The following ARL8B variants were observed in gnomAD, a reference collection of about 807,000 sequenced individuals.
The protein encoded by ARL8B is ADP-ribosylation factor-like protein 8B.
A neutral mutation model predicts 30.6 loss-of-function variants in ARL8B; 9 were observed. The ratio of observed to expected loss-of-function variants is 0.29; its 90% CI spans 0.18 to 0.51. The LOEUF (loss-of-function observed/expected upper bound fraction) is 0.51. ARL8B is among the 20% of genes least tolerant of loss of function. The pLI, the probability that ARL8B is intolerant of heterozygous loss-of-function variation, is 0.97. For synonymous variants in ARL8B, 74 were observed against 76.0 expected (o/e 0.97, Z 0.14); for missense variants, 130 against 227.2 (o/e 0.57, Z 2.75).
intron 1 of ARL8B, among the ~76,000 whole-genome samples, chr3:5,167,424 T>A (rs958430976): frequency 6.6e-6 from 1 of 152,320 alleles, no homozygotes; most frequent in South Asian, 2.1e-4. Flanking sequence ...ATCATAGGTA[T>A]GTATGTATTG....
At chr3:5,126,297 A>G (rs553995111) in intron 1 of ARL8B, among the ~76,000 whole-genome samples, 3 of 152,182 alleles carry the variant, frequency 2.0e-5, no homozygotes, top group South Asian at 4.1e-4. Flanking sequence ...CACTTTTTGT[A>G]TTGTATATAA....
At chr3:5,156,130 T>A (rs934851165) in intron 1 of ARL8B, among the ~76,000 whole-genome samples, 1 of 152,146 alleles carries the variant, frequency 6.6e-6, no homozygotes, top group Admixed American at 6.5e-5. Context: ...CTCAAACTGC[T>A]GACCTCAAGT....
At chr3:5,166,942 G>T (rs2054630197) in intron 1 of ARL8B, among the ~76,000 whole-genome samples, 1 of 152,110 alleles carries the variant, frequency 6.6e-6, no homozygotes, top group Admixed American at 6.6e-5. Context: ...TAAATGAACG[G>T]CCTATGAATA....
chr3:5,123,892 GA>G (rs962743763), intron 1 of ARL8B, among the ~76,000 whole-genome samples: 1 of 151,848 alleles, frequency 6.6e-6, no homozygotes, highest in Non-Finnish European at 1.5e-5. Flanking sequence ...TTTTTTTCTT[GA>G]GACGGAGTCT....
At chr3:5,163,311 T>C (rs145402604) in intron 1 of ARL8B, among the ~76,000 whole-genome samples, 25 of 152,252 alleles carry the variant, frequency 1.6e-4, no homozygotes, top group African/African-American at 5.8e-4. Flanking sequence ...AGTAAGAATA[T>C]GCAGTTTTTG....
intron 1 of ARL8B, among the ~76,000 whole-genome samples, chr3:5,138,356 C>G (rs1340634136): frequency 6.6e-6 from 1 of 151,922 alleles, no homozygotes; most frequent in Non-Finnish European, 1.5e-5. Flanking sequence ...CTGCCAAATG[C>G]CTGAGGCATT....
chr3:5,173,518 C>G (rs2106572617), intron 4 of ARL8B, among the ~76,000 whole-genome samples: 2 of 152,252 alleles, frequency 1.3e-5, no homozygotes, highest in South Asian at 4.1e-4. Flanking sequence ...GGGCGGATCA[C>G]CAGGTCAGGA....
intron 1 of ARL8B, among the ~76,000 whole-genome samples, chr3:5,136,332 G>A (rs2054325679): frequency 6.6e-6 from 1 of 152,134 alleles, no homozygotes; most frequent in South Asian, 2.1e-4. Flanking sequence ...ACAGTTAATT[G>A]TCATTTGGGT....
chr3:5,131,404 T>C lies in ARL8B; in HGVS notation c.123+8816T>C, dbSNP rs13066149. Among the ~76,000 whole-genome samples, 980 of 152,114 alleles carry C rather than the reference T, an allele frequency of 6.4e-3. 6 individuals carry two copies. Among genetic ancestry groups the C allele is most frequent in the Non-Finnish European group, 9.8e-3 (668 of 67,982 alleles). ...TAAAAAAATTAAAAAATTTTTTTTT[T>C]TTTTGAGACAGAGTCTCACTCTGTC... On this transcript the variant is annotated intron_variant, in intron 1 of 6. Coordinates refer to ENST00000256496, the MANE Select transcript of ARL8B (RefSeq NM_018184.3).
At chr3:5,144,266 C>T (rs372528611) in intron 1 of ARL8B, among the ~76,000 whole-genome samples, 2 of 152,156 alleles carry the variant, frequency 1.3e-5, no homozygotes, top group Non-Finnish European at 2.9e-5. Context: ...GATCTCTGAT[C>T]ACCAGTAAAT....
chr3:5,168,993 T>C (rs922374205), intron 1 of ARL8B, among the ~76,000 whole-genome samples: 5 of 152,188 alleles, frequency 3.3e-5, no homozygotes, highest in African/African-American at 1.2e-4. Context: ...ATAATCACGA[T>C]TTAGCCATGT....
chr3:5,179,940 A>G lies in ARL8B; in HGVS notation c.*1227A>G, dbSNP rs2054763956. ...AGATGTCTAAAAACTTCAAATGGAC[A>G]TGTTTTGTAGTTTAGCGACTTCCGT... On this transcript the variant is annotated 3_prime_UTR_variant, in exon 7 of 7. Coordinates refer to ENST00000256496, the MANE Select transcript of ARL8B (RefSeq NM_018184.3). The G allele has an allele frequency of 6.6e-6, 1 of 152,646 alleles. No homozygotes were observed. Among genetic ancestry groups the G allele is most frequent in the Non-Finnish European group, 1.5e-5 (1 of 68,026 alleles). The allele number at this position is 152,646 out of a possible 1,614,324, so 9.5% of individuals were successfully genotyped here. A position where few individuals can be genotyped will look rare whatever the true frequency, so the allele number is the denominator to read the frequency against.
chr3:5,161,649 G>C (rs1421429263), intron 1 of ARL8B, among the ~76,000 whole-genome samples: 2 of 152,196 alleles, frequency 1.3e-5, no homozygotes, highest in Non-Finnish European at 2.9e-5. Context: ...TTGAGTAAGA[G>C]GGTTTAGAGT....
chr3:5,143,426 G>A (rs1454549253), intron 1 of ARL8B, among the ~76,000 whole-genome samples: 1 of 152,200 alleles, frequency 6.6e-6, no homozygotes, highest in African/African-American at 2.4e-5. Context: ...TCCTGGTATA[G>A]AGCCAACGTG....
At chr3:5,149,103 A>G (rs926703793) in intron 1 of ARL8B, among the ~76,000 whole-genome samples, 4 of 152,178 alleles carry the variant, frequency 2.6e-5, no homozygotes, top group African/African-American at 9.7e-5. Context: ...CTTCATATCT[A>G]AGATACATCT....
At chr3:5,140,227 C>T (rs760961576) in intron 1 of ARL8B, among the ~76,000 whole-genome samples, 1 of 152,210 alleles carries the variant, frequency 6.6e-6, no homozygotes, top group African/African-American at 2.4e-5. Context: ...TTGTAGCTCC[C>T]ATAATTCCCA....
At chr3:5,122,682 G>C in intron 1 of ARL8B, 94 bp downstream of exon 1, 1 of 1,347,888 alleles carries the variant, frequency 7.4e-7, no homozygotes, top group Non-Finnish European at 1.0e-6. Context: ...CCCTCGGCGC[G>C]ATGGGACTGA....
chr3:5,169,336 T>A (rs947156745), intron 1 of ARL8B, among the ~76,000 whole-genome samples: 1 of 143,200 alleles, frequency 7.0e-6, no homozygotes, highest in African/African-American at 2.6e-5. Context: ...TGTGTGTGTG[T>A]GTGTGTGAGT....
chr3:5,170,555 A>G lies in ARL8B; in HGVS notation c.176A>G (p.Lys59Arg). Residue 59 changes from lysine to arginine, a missense_variant, in exon 2 of 7, where the codon AAG (lysine) becomes AGG (arginine). Physicochemically the swap from Lys to Arg is conservative, Grantham distance 26. Coordinates refer to ENST00000256496, the MANE Select transcript of ARL8B (RefSeq NM_018184.3). ...MIPTVGFNMR[K>R]VTKGNVTIKI... ...CCCACAGTGGGCTTCAACATGAGGA[A>G]GGTAACTAAAGGTAACGTCACAATA... is the stretch of plus-strand genomic sequence containing the variant. 1 of 1,612,610 alleles carries G rather than the reference A, an allele frequency of 6.2e-7. No individual in the cohort carries two copies. Among genetic ancestry groups the G allele is most frequent in the Non-Finnish European group, 8.5e-7 (1 of 1,178,912 alleles).
Sources: allele counts gnomAD v4.1 joint callset (sites outside exome capture counted in the v4.1 genomes callset), GRCh38; gene constraint gnomAD v4.1.1; transcripts MANE v1.5; gene names NCBI Gene and HGNC (gene_info 2026-07-23, HGNC 2026-07-21).